IQGAP1: variants seen among roughly 807,000 people sequenced by gnomAD.
IQGAP1 encodes IQ motif containing GTPase activating protein 1.
Under a neutral mutation model 215.6 loss-of-function variants are expected in IQGAP1, and 66 were observed. The observed-to-expected ratio is 0.31, with a 90% confidence interval of 0.25 to 0.38. The LOEUF is 0.38. IQGAP1 is among the 10% of genes least tolerant of loss of function. The probability of loss-of-function intolerance (pLI) is 1.00; values close to 1 mark genes in which losing one functional copy is unlikely to be tolerated. For missense variants in IQGAP1, 1,712 were observed against 1,997.1 expected (o/e 0.86, Z 2.72); for synonymous variants, 772 against 728.7 (o/e 1.06, Z -0.96).
Position 90,500,310 on chromosome 15 carries a change from G to T in IQGAP1, c.*202G>T. ...TTTTTCATAGTGAAATTGTGTTTCA[G>T]GCTTAGTCTGACCTTTCTGGTTTCT... On this transcript the variant is annotated 3_prime_UTR_variant, in exon 38 of 38. Transcript: ENST00000268182. 1 of 509,084 alleles carries T rather than the reference G, an allele frequency of 2.0e-6. No individual in the cohort carries two copies. Among genetic ancestry groups the T allele is most frequent in the Non-Finnish European group, 3.6e-6 (1 of 281,298 alleles). The allele number at this position is 509,084 out of a possible 1,614,324, so 31.5% of individuals were successfully genotyped here. A position where few individuals can be genotyped will look rare whatever the true frequency, so the allele number is the denominator to read the frequency against.
At chr15:90,451,420 G>A (rs1322242367) in intron 11 of IQGAP1, among the ~76,000 whole-genome samples, 1 of 152,132 alleles carries the variant, frequency 6.6e-6, no homozygotes, top group African/African-American at 2.4e-5. Flanking sequence ...ACTGATCCCC[G>A]GGGTAGTGAG....
At chr15:90,416,412 A>G (rs1203703214) in intron 2 of IQGAP1, among the ~76,000 whole-genome samples, 1 of 152,184 alleles carries the variant, frequency 6.6e-6, no homozygotes, top group Non-Finnish European at 1.5e-5. Context: ...TCCTTTGGGT[A>G]CATACCCAGT....
chr15:90,454,630 A>C, intron 14 of IQGAP1, 78 bp downstream of exon 14: 1 of 1,409,894 alleles, frequency 7.1e-7, no homozygotes, highest in East Asian at 2.6e-5. Flanking sequence ...TCAAAATACT[A>C]CTCCTAGAAG....
In IQGAP1 at chr15:90,493,709, C is replaced by G. The variant is rs1032092649; in HGVS notation, c.4628+998C>G. Among the ~76,000 whole-genome samples, 4 of 152,298 alleles carry G rather than the reference C, an allele frequency of 2.6e-5. No individual in the cohort carries two copies. The East Asian group carries it at 5.8e-4, about 22-fold the overall frequency. On this transcript the variant is annotated intron_variant, in intron 35 of 37. Transcript: ENST00000268182. ...TTTCTCTCTTTCCATGGAAGACTCT[C>G]TGGGGTCAGGCATGGGTGATGGAAG... is the stretch of plus-strand genomic sequence containing the variant.
At chr15:90,395,173 G>A (rs1442077721) in intron 2 of IQGAP1, among the ~76,000 whole-genome samples, 3 of 152,124 alleles carry the variant, frequency 2.0e-5, no homozygotes, top group East Asian at 3.8e-4. Context: ...ATCACCTAAC[G>A]ATTCAAGGCT....
At position 90,476,657 on chromosome 15, in the gene IQGAP1, T is replaced by G. The variant is rs1175466307; in HGVS notation, c.2785-6T>G. 1 of 1,566,978 alleles carries G rather than the reference T, an allele frequency of 6.4e-7. No homozygotes were observed. The highest frequency in any genetic ancestry group is 1.4e-5 in the African/African-American group (1 of 72,270). On this transcript the variant is annotated splice_region_variant and splice_polypyrimidine_tract_variant and intron_variant, in intron 23 of 37. Transcript: ENST00000268182. ...TTCTGATCTATTTATTGGTTTTTGTTTATAGGATGTGGTTTCCCACAGTAA... is the reference window on the plus strand; with the variant it reads ...TTCTGATCTATTTATTGGTTTTTGTGTATAGGATGTGGTTTCCCACAGTAA...
At chr15:90,492,419 TAAAAAAAAA>T in intron 34 of IQGAP1, 117 bp from the exon 35 acceptor site, 2 of 370,290 alleles carry the variant, frequency 5.4e-6, no homozygotes, top group Non-Finnish European at 8.7e-6. Context: ...ACAGAGTGTC[TAAAAAAAAA>T]AAAAAAAAAA....
intron 2 of IQGAP1, among the ~76,000 whole-genome samples, chr15:90,394,498 C>T (rs1964685088): frequency 6.6e-6 from 1 of 152,164 alleles, no homozygotes. Context: ...GTTGTGAGTG[C>T]ACCAAGGACA....
intron 5 of IQGAP1, among the ~76,000 whole-genome samples, chr15:90,434,719 A>G (rs1005946559): frequency 6.6e-6 from 1 of 152,202 alleles, no homozygotes; most frequent in Non-Finnish European, 1.5e-5. Context: ...AAGTATTTGC[A>G]TTATACTTAC....
intron 8 of IQGAP1, among the ~76,000 whole-genome samples, chr15:90,442,763 G>A: frequency 6.6e-6 from 1 of 152,156 alleles, no homozygotes; most frequent in East Asian, 1.9e-4. Context: ...GAGGTTAGGA[G>A]TTTGAGACCA....
intron 8 of IQGAP1, 105 bp from the exon 9 acceptor site, chr15:90,443,289 C>T (rs1965478320): frequency 2.9e-6 from 2 of 688,140 alleles, no homozygotes; most frequent in Non-Finnish European, 5.3e-6. Context: ...TTAAGCTACA[C>T]CCATATTCTT....
At chr15:90,490,641 A>C (rs1344766022) in intron 33 of IQGAP1, among the ~76,000 whole-genome samples, 2 of 152,220 alleles carry the variant, frequency 1.3e-5, no homozygotes, top group African/African-American at 4.8e-5. Flanking sequence ...TAGTATAGTT[A>C]TAACATTTAT....
At chr15:90,419,834 A>G (rs1031634643) in intron 2 of IQGAP1, among the ~76,000 whole-genome samples, 1 of 152,224 alleles carries the variant, frequency 6.6e-6, no homozygotes, top group African/African-American at 2.4e-5. Flanking sequence ...CTCCTGTTCC[A>G]TTTCAGGCTG....
chr15:90,422,246 G>T (rs1426691541), intron 2 of IQGAP1, among the ~76,000 whole-genome samples: 1 of 152,098 alleles, frequency 6.6e-6, no homozygotes, highest in Non-Finnish European at 1.5e-5. Context: ...CTAGCTATTG[G>T]ATGACCTTGG....
chr15:90,436,896 G>A (rs541480204), intron 5 of IQGAP1, among the ~76,000 whole-genome samples: 2 of 152,302 alleles, frequency 1.3e-5, no homozygotes, highest in African/African-American at 4.8e-5. Context: ...CCAGTGATAC[G>A]GTTGTAGCAC....
intron 2 of IQGAP1, among the ~76,000 whole-genome samples, chr15:90,394,227 A>G (rs1286956522): frequency 6.9e-6 from 1 of 144,602 alleles, no homozygotes; most frequent in Non-Finnish European, 1.5e-5. Flanking sequence ...TAATAGTGGC[A>G]TATTACCCTA....
At chr15:90,461,033 G>A (rs190696421) in intron 15 of IQGAP1, among the ~76,000 whole-genome samples, 2,171 of 145,562 alleles carry the variant, frequency 0.015, 56 homozygotes, top group African/African-American at 0.053. Flanking sequence ...AGGGCTGGGC[G>A]CAGTGCCTCA....
intron 2 of IQGAP1, among the ~76,000 whole-genome samples, chr15:90,404,797 T>C (rs2151004587): frequency 6.6e-6 from 1 of 152,206 alleles, no homozygotes; most frequent in South Asian, 2.1e-4. Flanking sequence ...GCCAGGCTGG[T>C]CTTGAACTCC....
At chr15:90,475,278 C>T (rs1455071735) in intron 23 of IQGAP1, among the ~76,000 whole-genome samples, 5 of 152,048 alleles carry the variant, frequency 3.3e-5, no homozygotes, top group Admixed American at 6.5e-5. Context: ...GGATTACAGG[C>T]GTGAGCCACG....
Sources: allele counts gnomAD v4.1 joint callset (sites outside exome capture counted in the v4.1 genomes callset), GRCh38; gene constraint gnomAD v4.1.1; transcripts MANE v1.5; gene names NCBI Gene and HGNC (gene_info 2026-07-23, HGNC 2026-07-21).